EPB41L4A: variants seen among roughly 807,000 people sequenced by gnomAD.
The protein encoded by EPB41L4A is erythrocyte membrane protein band 4.1 like 4A, also known as band 4.1-like protein 4A.
Under a neutral mutation model 108.6 loss-of-function variants are expected in EPB41L4A, and 100 were observed. That is an observed-to-expected ratio of 0.92 (90% confidence interval 0.78 to 1.09). The LOEUF (loss-of-function observed/expected upper bound fraction) is 1.09, where lower values mean the gene tolerates loss of function less well. Among genes scored for constraint, EPB41L4A ranks in the 50% least tolerant of loss-of-function variants. The probability of loss-of-function intolerance (pLI) is 0.00; values close to 1 mark genes in which losing one functional copy is unlikely to be tolerated. For synonymous variants in EPB41L4A, 319 were observed against 289.0 expected (o/e 1.10, Z -1.05); for missense variants, 1,030 against 842.7 (o/e 1.22, Z -2.75).
intron 1 of EPB41L4A, among the ~76,000 whole-genome samples, chr5:112,348,636 G>C (rs997047161): frequency 6.6e-6 from 1 of 152,136 alleles, no homozygotes; most frequent in Non-Finnish European, 1.5e-5. Context: ...TCAGGGTGAG[G>C]AATGTGATCA....
intron 2 of EPB41L4A, among the ~76,000 whole-genome samples, chr5:112,288,409 G>A (rs1381280068): frequency 6.6e-6 from 1 of 152,136 alleles, no homozygotes; most frequent in Non-Finnish European, 1.5e-5. Flanking sequence ...ATCTTCCTTA[G>A]GCAAAATCCA....
At chr5:112,404,581 G>C (rs1468808208) in intron 1 of EPB41L4A, among the ~76,000 whole-genome samples, 6 of 152,182 alleles carry the variant, frequency 3.9e-5, no homozygotes, top group Non-Finnish European at 7.3e-5. Flanking sequence ...GCTAGGAAAT[G>C]AAGGAGCTGG....
At position 112,205,630 on chromosome 5, in the gene EPB41L4A, A is replaced by C. The variant is rs554696866; in HGVS notation, c.1179-126T>G. On this transcript the variant is annotated intron_variant, in intron 13 of 22. Coordinates refer to ENST00000261486, the MANE Select transcript of EPB41L4A (RefSeq NM_022140.5). ...TGTGCACACTTATTTGCTTGTTTAT[A>C]CCTGTGACTCTAAAAAGAACATGAA... The C allele has an allele frequency of 6.0e-5, 43 of 717,640 alleles. No homozygotes were observed. The East Asian group carries it at 1.2e-3, about 20-fold the overall frequency. 44.5% of individuals were successfully genotyped at this position (717,640 alleles called of 1,614,324 possible).
At chr5:112,218,371 A>C (rs1036129753) in intron 12 of EPB41L4A, among the ~76,000 whole-genome samples, 2 of 152,156 alleles carry the variant, frequency 1.3e-5, no homozygotes. Context: ...CTTGGATATC[A>C]AGTTTTTCTT....
At chr5:112,330,728 G>C (rs552065912) in intron 1 of EPB41L4A, among the ~76,000 whole-genome samples, 3 of 151,392 alleles carry the variant, frequency 2.0e-5, no homozygotes, top group African/African-American at 7.3e-5. Flanking sequence ...AGTGTGCAGA[G>C]TATTCTATTC....
downstream of EPB41L4A, chr5:112,161,046 A>G (rs193283399): frequency 1.8e-3 from 291 of 158,868 alleles, 1 homozygote; most frequent in African/African-American, 6.3e-3. Flanking sequence ...GAACAAGGGC[A>G]GCGGCCTGGC....
Position 112,307,503 on chromosome 5 carries a change from T to C in EPB41L4A, c.100-13A>G, listed in dbSNP as rs910376817. 9 of 1,586,056 alleles carry C rather than the reference T, an allele frequency of 5.7e-6. No homozygotes were observed. The highest frequency in any genetic ancestry group is 2.2e-5 in the South Asian group (2 of 90,322). On this transcript the variant is annotated splice_polypyrimidine_tract_variant and intron_variant, in intron 1 of 22. Transcript: ENST00000261486. Reference sequence around the variant, plus strand: ...CTTTCGTTGACTTCTGCAAAAATAATTCAGTTTTATATTTTTTAACTGCCC... The same window carrying C: ...CTTTCGTTGACTTCTGCAAAAATAACTCAGTTTTATATTTTTTAACTGCCC...
chr5:112,170,567 C>A (rs189649602), intron 19 of EPB41L4A, among the ~76,000 whole-genome samples, 198 bp from the exon 20 acceptor site: 27 of 152,318 alleles, frequency 1.8e-4, no homozygotes, highest in African/African-American at 6.3e-4. Flanking sequence ...CTTTTGCCTT[C>A]TTTCAATTCT....
chr5:112,336,403 G>T (rs1756924598), intron 1 of EPB41L4A, among the ~76,000 whole-genome samples: 1 of 152,172 alleles, frequency 6.6e-6, no homozygotes, highest in African/African-American at 2.4e-5. Context: ...GTATGAAATA[G>T]GAGGCCTGTG....
At chr5:112,173,399 A>C (rs564397283) in intron 18 of EPB41L4A, among the ~76,000 whole-genome samples, 6 of 152,174 alleles carry the variant, frequency 3.9e-5, no homozygotes, top group Admixed American at 6.5e-5. Flanking sequence ...TGAACAATAC[A>C]TTAAAAAAAT....
intron 1 of EPB41L4A, among the ~76,000 whole-genome samples, chr5:112,324,931 T>A (rs1756048037): frequency 6.6e-6 from 1 of 152,142 alleles, no homozygotes; most frequent in Non-Finnish European, 1.5e-5. Flanking sequence ...GCTACAACAA[T>A]CTTTTTGAAA....
chr5:112,358,021 G>A (rs1758474695), intron 1 of EPB41L4A, among the ~76,000 whole-genome samples: 1 of 152,270 alleles, frequency 6.6e-6, no homozygotes, highest in African/African-American at 2.4e-5. Flanking sequence ...AAAGAGTGGA[G>A]GCTACATACG....
intron 2 of EPB41L4A, among the ~76,000 whole-genome samples, chr5:112,290,276 T>C (rs1316858743): frequency 6.6e-6 from 1 of 152,232 alleles, no homozygotes; most frequent in African/African-American, 2.4e-5. Flanking sequence ...GAAAATACAC[T>C]GGATTCTAGG....
At chr5:112,410,633 C>A (rs1382947119) in intron 1 of EPB41L4A, among the ~76,000 whole-genome samples, 2 of 152,220 alleles carry the variant, frequency 1.3e-5, no homozygotes, top group South Asian at 4.2e-4. Flanking sequence ...TCCTGAGCCC[C>A]TCCCCCATGT....
intron 18 of EPB41L4A, among the ~76,000 whole-genome samples, chr5:112,182,505 T>G (rs971146040): frequency 2.0e-5 from 3 of 152,262 alleles, no homozygotes; most frequent in African/African-American, 7.2e-5. Flanking sequence ...TTTCTAATTT[T>G]ATTTTACTTT....
chr5:112,285,649 T>C (rs1449467595), intron 2 of EPB41L4A, among the ~76,000 whole-genome samples: 1 of 152,168 alleles, frequency 6.6e-6, no homozygotes, highest in African/African-American at 2.4e-5. Context: ...TGGCCCCGTT[T>C]TTCAGCAAAA....
At chr5:112,352,945 T>G (rs1758136377) in intron 1 of EPB41L4A, among the ~76,000 whole-genome samples, 1 of 152,224 alleles carries the variant, frequency 6.6e-6, no homozygotes, top group East Asian at 1.9e-4. Context: ...CAGCTTCTTC[T>G]TCCAATTCTT....
chr5:112,328,490 G>C (rs1756335303), intron 1 of EPB41L4A, among the ~76,000 whole-genome samples: 2 of 152,144 alleles, frequency 1.3e-5, no homozygotes, highest in African/African-American at 4.8e-5. Context: ...CAAATGAAGT[G>C]ATTTGGGATA....
At chr5:112,269,007 G>C (rs1404612934) in intron 4 of EPB41L4A, among the ~76,000 whole-genome samples, 1 of 151,928 alleles carries the variant, frequency 6.6e-6, no homozygotes, top group Non-Finnish European at 1.5e-5. Context: ...CTGAAATACA[G>C]ACAAACACAT....
Sources: allele counts gnomAD v4.1 joint callset (sites outside exome capture counted in the v4.1 genomes callset), GRCh38; gene constraint gnomAD v4.1.1; transcripts MANE v1.5; gene names NCBI Gene and HGNC (gene_info 2026-07-23, HGNC 2026-07-21).